ATG7: variants seen among roughly 807,000 people sequenced by gnomAD.
ATG7 encodes ubiquitin-like modifier-activating enzyme ATG7.
ATG7 carries 70 observed loss-of-function variants against 82.4 expected under a neutral mutation model. The observed-to-expected ratio is 0.85, with a 90% CI of 0.70 to 1.04. ATG7 has a LOEUF of 1.04. Ranked by LOEUF, ATG7 falls within the 50% of genes least tolerant of loss-of-function variation. The pLI, the probability that ATG7 is intolerant of heterozygous loss-of-function variation, is 0.00. For synonymous variants in ATG7, 287 were observed against 313.0 expected, an observed-to-expected ratio of 0.92 and a Z score of 0.88; for missense variants, 792 against 864.3, an observed-to-expected ratio of 0.92 and a Z score of 1.05.
chr3:11,436,551 G>C (rs1429186570), intron 20 of ATG7, among the ~76,000 whole-genome samples: 1 of 152,182 alleles, frequency 6.6e-6, no homozygotes, highest in Non-Finnish European at 1.5e-5. Context: ...GTATATGTGT[G>C]TGTGTGTATA....
intron 3 of ATG7, among the ~76,000 whole-genome samples, 198 bp downstream of exon 3, chr3:11,282,636 C>T (rs1207731519): frequency 2.0e-5 from 3 of 152,162 alleles, no homozygotes; most frequent in African/African-American, 7.2e-5. Flanking sequence ...GGTTTCTGTA[C>T]CCAGCTGGTT....
At chr3:11,381,238 A>G (rs551127501) in intron 19 of ATG7, among the ~76,000 whole-genome samples, 1 of 152,180 alleles carries the variant, frequency 6.6e-6, no homozygotes, top group Admixed American at 6.5e-5. Flanking sequence ...GGATGTCTGC[A>G]TGCACCCCCA....
At chr3:11,397,222 A>C (rs2079380221) in intron 19 of ATG7, among the ~76,000 whole-genome samples, 1 of 152,186 alleles carries the variant, frequency 6.6e-6, no homozygotes, top group South Asian at 2.1e-4. Context: ...TAAGAACATA[A>C]TATTTTAGTA....
chr3:11,387,473 A>G (rs1290518394), intron 19 of ATG7, among the ~76,000 whole-genome samples: 1 of 152,160 alleles, frequency 6.6e-6, no homozygotes, highest in Non-Finnish European at 1.5e-5. Context: ...CTCAGACCAG[A>G]AAGTTGAGGG....
chr3:11,424,629 A>T lies in ATG7; in HGVS notation c.1957-2175A>T, dbSNP rs1487567401. 4.6e-5 allele frequency among the ~76,000 whole-genome samples: 7 copies of T among 151,644 alleles called. No individual in the cohort carries two copies. The East Asian group carries it at 7.7e-4, about 17-fold the overall frequency. On this transcript the variant is annotated intron_variant, in intron 19 of 20. Coordinates refer to ENST00000693202, the MANE Select transcript of ATG7 (RefSeq NM_001349232.2). ...TATTAATTTTTAATATTAAATATTT[A>T]AAAATCTTATTTTAATAAATATTGA...
chr3:11,542,503 C>CTTT (rs757774476), intron 20 of ATG7, among the ~76,000 whole-genome samples: 1 of 152,104 alleles, frequency 6.6e-6, no homozygotes, highest in Non-Finnish European at 1.5e-5. Flanking sequence ...GAGGGAAAAA[C>CTTT]AAAAGACACC....
chr3:11,468,178 G>C (rs1029943519), intron 20 of ATG7, among the ~76,000 whole-genome samples: 1 of 152,220 alleles, frequency 6.6e-6, no homozygotes, highest in African/African-American at 2.4e-5. Flanking sequence ...ACACAGCTCA[G>C]AAAGGTCTTG....
In ATG7 at chr3:11,554,802, T is replaced by C. The variant is rs1396299179; in HGVS notation, c.2080-9T>C. On this transcript the variant is annotated splice_polypyrimidine_tract_variant and intron_variant, in intron 20 of 20. Transcript: ENST00000693202. ...CATCTCGGCTGAGCCTCTCCCCTTC[T>C]CCATGCAGATCTGGGACATGAGCGA... 4 of 1,613,142 alleles carry C rather than the reference T, an allele frequency of 2.5e-6. No individual in the cohort carries two copies. Among genetic ancestry groups the C allele is most frequent in the Non-Finnish European group, 3.4e-6 (4 of 1,179,642 alleles).
intron 20 of ATG7, among the ~76,000 whole-genome samples, chr3:11,464,566 A>G (rs985705594): frequency 6.6e-6 from 1 of 152,200 alleles, no homozygotes; most frequent in Non-Finnish European, 1.5e-5. Context: ...TGGGCTTTCC[A>G]AGAGTCATTC....
the ATG7 span, chr3:11,565,064 A>C: frequency 6.9e-7 from 1 of 1,450,780 alleles, no homozygotes; most frequent in Admixed American, 2.7e-5. This position sits in a 1 kb window ranked among gnomAD's most constrained non-coding sequence, Gnocchi z 4.1. Flanking sequence ...TCTCAAAGGC[A>C]AAGGGGACAG....
At chr3:11,393,554 C>A (rs559187459) in intron 19 of ATG7, among the ~76,000 whole-genome samples, 2 of 152,318 alleles carry the variant, frequency 1.3e-5, no homozygotes, top group Admixed American at 6.5e-5. Flanking sequence ...ATGTTGCCAG[C>A]CATTCATGAG....
At chr3:11,306,686 A>G (rs1057362448) in intron 5 of ATG7, among the ~76,000 whole-genome samples, 1 of 152,184 alleles carries the variant, frequency 6.6e-6, no homozygotes, top group South Asian at 2.1e-4. Flanking sequence ...TAGGAAATGA[A>G]CTTCTCTTTG....
intron 20 of ATG7, among the ~76,000 whole-genome samples, chr3:11,470,482 G>A (rs1268276541): frequency 2.0e-5 from 3 of 152,210 alleles, no homozygotes; most frequent in African/African-American, 4.8e-5. Flanking sequence ...ACCCTCATAT[G>A]TGCAGTCCAT....
At chr3:11,490,049 T>G (rs1036931590) in intron 20 of ATG7, among the ~76,000 whole-genome samples, 9 of 152,086 alleles carry the variant, frequency 5.9e-5, no homozygotes, top group East Asian at 1.9e-4. Flanking sequence ...TTTCTGTCTC[T>G]TTGATCTGTC....
intron 20 of ATG7, among the ~76,000 whole-genome samples, chr3:11,447,310 A>C (rs909658229): frequency 2.6e-5 from 4 of 151,998 alleles, no homozygotes; most frequent in African/African-American, 9.7e-5. Context: ...CTAAAAATAT[A>C]GAAAAAATTA....
At position 11,360,592 on chromosome 3, in the gene ATG7, T is replaced by C; in HGVS notation, c.1491T>C (p.Asn497=). The C allele has an allele frequency of 6.2e-7, 1 of 1,613,670 alleles. No homozygotes were observed. The highest frequency in any genetic ancestry group is 8.5e-7 in the Non-Finnish European group (1 of 1,179,900). ...CTTGAAACCTGCAGCTGGTCATCAA[T>C]GCTGCTTTGGGATTTGACACATTTG... ...IAASKRKLVI[N]AALGFDTFVV... Residue 497 remains asparagine, a synonymous_variant, in exon 16 of 21, where the codon AAT becomes AAC. Coordinates refer to ENST00000693202, the MANE Select transcript of ATG7 (RefSeq NM_001349232.2).
rs567388461 is a variant in ATG7, at chr3:11,504,490, C to T, written c.2080-50321C>T. Among the ~76,000 whole-genome samples, 42 of 152,296 alleles carry T rather than the reference C, an allele frequency of 2.8e-4. No individual in the cohort carries two copies. In the South Asian group the frequency reaches 7.3e-3, roughly 26 times the overall value. Reference sequence around the variant, plus strand: ...ATCCCACAAAGGAGAGATTGAAAGGCATCCTCAAAACAGTAGCGAAGGGAA... The same window carrying T: ...ATCCCACAAAGGAGAGATTGAAAGGTATCCTCAAAACAGTAGCGAAGGGAA... On this transcript the variant is annotated intron_variant, in intron 20 of 20. Transcript: ENST00000693202.
chr3:11,574,809 G>A, the ATG7 span, among the ~76,000 whole-genome samples: 1 of 150,348 alleles, frequency 6.7e-6, no homozygotes, highest in African/African-American at 2.5e-5. Flanking sequence ...GTGTGTGTGT[G>A]TGTGTGTGTG....
chr3:11,491,201 TCTTG>T (rs1487092741), intron 20 of ATG7, among the ~76,000 whole-genome samples: 3 of 152,184 alleles, frequency 2.0e-5, no homozygotes, highest in Non-Finnish European at 4.4e-5. Context: ...AAACTTCCCT[TCTTG>T]CTTCATTTCA....
Sources: allele counts gnomAD v4.1 joint callset (sites outside exome capture counted in the v4.1 genomes callset), GRCh38; gene constraint gnomAD v4.1.1; non-coding constraint Gnocchi (gnomAD v3.1); transcripts MANE v1.5; gene names NCBI Gene and HGNC (gene_info 2026-07-23, HGNC 2026-07-21).